Variants in TAFA5 observed in about 807,000 individuals in gnomAD.
The protein encoded by TAFA5 is TAFA chemokine like family member 5.
TAFA5 carries 6 observed loss-of-function variants against 15.3 expected under a neutral mutation model. That is an observed-to-expected ratio of 0.39 (90% CI 0.21 to 0.77). The LOEUF (loss-of-function observed/expected upper bound fraction) is 0.77. TAFA5 is among the 30% of genes least tolerant of loss of function. The pLI is 0.41. For synonymous variants in TAFA5, 103 were observed against 80.7 expected (o/e 1.28, Z -1.48); for missense variants, 161 against 193.1 (o/e 0.83, Z 0.98).
At chr22:48,515,213 C>T (rs1181666432) in intron 1 of TAFA5, among the ~76,000 whole-genome samples, 2 of 151,804 alleles carry the variant, frequency 1.3e-5, no homozygotes, top group African/African-American at 4.8e-5. Flanking sequence ...CAGGCAGCGT[C>T]CTCTCAGCAG....
At chr22:48,597,411 C>T (rs1270302906) in intron 1 of TAFA5, among the ~76,000 whole-genome samples, 2 of 151,972 alleles carry the variant, frequency 1.3e-5, no homozygotes, top group African/African-American at 4.8e-5. Context: ...CTGCTGTTCC[C>T]CTCTGGCTGG....
chr22:48,584,962 C>T lies in TAFA5; in HGVS notation c.113-61635C>T, dbSNP rs1235820753. 2.1e-5 allele frequency among the ~76,000 whole-genome samples: 3 copies of T among 146,206 alleles called. No homozygotes were observed. The East Asian group carries it at 5.9e-4, about 29-fold the overall frequency. On this transcript the variant is annotated intron_variant, in intron 1 of 3. Transcript: ENST00000402357. ...CTGCACTGATATCACACACACACCA[C>T]ACAGAAAATACATCACACACATTCA...
intron 1 of TAFA5, among the ~76,000 whole-genome samples, chr22:48,599,994 T>TC (rs895430770): frequency 1.8e-4 from 28 of 152,184 alleles, no homozygotes; most frequent in African/African-American, 6.0e-4. Flanking sequence ...TTTGCAGCTC[T>TC]CCCCCCGTCT....
chr22:48,694,263 C>T (rs867529350), intron 2 of TAFA5, among the ~76,000 whole-genome samples: 2 of 152,188 alleles, frequency 1.3e-5, no homozygotes, highest in Non-Finnish European at 2.9e-5. Context: ...CCCTGACAGT[C>T]GGCAGCTGTC....
intron 1 of TAFA5, among the ~76,000 whole-genome samples, chr22:48,500,375 T>A (rs1306924183): frequency 6.6e-6 from 1 of 152,216 alleles, no homozygotes; most frequent in Non-Finnish European, 1.5e-5. Context: ...ATTCACACAA[T>A]GAAGTTGAAA....
intron 1 of TAFA5, among the ~76,000 whole-genome samples, chr22:48,495,937 C>T (rs1178301566): frequency 1.3e-5 from 2 of 152,206 alleles, no homozygotes. Context: ...GCCTACAGGG[C>T]CTTCTAGAAG....
intron 2 of TAFA5, among the ~76,000 whole-genome samples, chr22:48,681,599 C>T (rs1465545557): frequency 5.4e-5 from 8 of 148,290 alleles, no homozygotes; most frequent in Admixed American, 1.4e-4. Context: ...TGCAGTGAGC[C>T]GAGATTGTGC....
chr22:48,584,284 C>G (rs375174625), intron 1 of TAFA5, among the ~76,000 whole-genome samples: 3 of 147,950 alleles, frequency 2.0e-5, no homozygotes, highest in African/African-American at 7.5e-5. Context: ...CACACACACA[C>G]CACACACAGC....
At chr22:48,534,184 CAAGCAGGTGGGGAGGCAGGCAGGTGAA>C in intron 1 of TAFA5, among the ~76,000 whole-genome samples, 2 of 141,186 alleles carry the variant, frequency 1.4e-5, no homozygotes, top group African/African-American at 5.3e-5. Flanking sequence ...TGAGGTGGGT[CAAGCAGGTGGGGAGGCAGGCAGGTGAA>C]ATGAATAAGT....
intron 1 of TAFA5, among the ~76,000 whole-genome samples, chr22:48,601,900 G>A (rs1924987065): frequency 6.6e-6 from 1 of 152,298 alleles, no homozygotes; most frequent in East Asian, 1.9e-4. Flanking sequence ...CCACACAGTC[G>A]CACACCATTC....
At chr22:48,556,440 A>C (rs1923041885) in intron 1 of TAFA5, among the ~76,000 whole-genome samples, 1 of 152,248 alleles carries the variant, frequency 6.6e-6, no homozygotes, top group Admixed American at 6.5e-5. Flanking sequence ...TTACACACAT[A>C]TGCACGCGTG....
At chr22:48,651,352 A>C (rs968279417) in intron 2 of TAFA5, among the ~76,000 whole-genome samples, 1 of 152,258 alleles carries the variant, frequency 6.6e-6, no homozygotes, top group Non-Finnish European at 1.5e-5. Context: ...TGGGAGGTGC[A>C]GGACAGGCCG....
intron 2 of TAFA5, among the ~76,000 whole-genome samples, chr22:48,661,517 A>C (rs1927440301): frequency 6.6e-6 from 1 of 152,194 alleles, no homozygotes; most frequent in Non-Finnish European, 1.5e-5. Flanking sequence ...GTTTCCAGTC[A>C]GTAGTCAGAC....
chr22:48,547,188 A>C (rs1922704540), intron 1 of TAFA5: 1 of 152,306 alleles, frequency 6.6e-6, no homozygotes, highest in African/African-American at 2.4e-5. Flanking sequence ...CAGCCCAACC[A>C]CTTACGGGAA....
At chr22:48,505,869 C>T (rs1920989497) in intron 1 of TAFA5, among the ~76,000 whole-genome samples, 2 of 152,178 alleles carry the variant, frequency 1.3e-5, no homozygotes, top group African/African-American at 4.8e-5. Flanking sequence ...GGAAAGGGCT[C>T]CTGTGGACAA....
At chr22:48,635,940 C>A (rs1001167959) in intron 1 of TAFA5, among the ~76,000 whole-genome samples, 28 of 152,218 alleles carry the variant, frequency 1.8e-4, no homozygotes, top group Non-Finnish European at 1.3e-4. Flanking sequence ...CACACTTGGC[C>A]CAGGCAGAGC....
rs149324956 is a variant in TAFA5 at position 48,679,959 on chromosome 22, C to A, written c.263-27758C>A. Reference sequence around the variant, plus strand: ...TTCCTTTAGGATGGCCTAGGGCGGACCCCATGAACCTCAGTTTTCCCACTT... The same window carrying A: ...TTCCTTTAGGATGGCCTAGGGCGGAACCCATGAACCTCAGTTTTCCCACTT... On this transcript the variant is annotated intron_variant, in intron 2 of 3. Transcript: ENST00000402357. Among the ~76,000 whole-genome samples the A allele has an allele frequency of 1.5e-4, 23 of 152,366 alleles. No homozygotes were observed. The East Asian group carries it at 4.4e-3, about 29-fold the overall frequency.
chr22:48,521,057 AAATT>A (rs1249214239), intron 1 of TAFA5, among the ~76,000 whole-genome samples: 1 of 152,104 alleles, frequency 6.6e-6, no homozygotes, highest in African/African-American at 2.4e-5. Context: ...TTTGCTTTGG[AAATT>A]AATTGCCTGT....
At chr22:48,669,057 A>T (rs1314089727) in intron 2 of TAFA5, among the ~76,000 whole-genome samples, 1 of 152,182 alleles carries the variant, frequency 6.6e-6, no homozygotes, top group African/African-American at 2.4e-5. Flanking sequence ...ATGTCCTTAG[A>T]AGAGAGACCC....
Sources: gnomAD v4.1 joint callset for allele counts (sites outside exome capture counted in the v4.1 genomes callset) on GRCh38, gnomAD v4.1.1 for gene constraint, MANE v1.5 for transcripts, NCBI Gene and HGNC (gene_info 2026-07-23, HGNC 2026-07-21) for gene names.